Variants in THSD4 observed in about 807,000 individuals in gnomAD.
The protein encoded by THSD4 is thrombospondin type-1 domain-containing protein 4.
THSD4 carries 69 observed loss-of-function variants against 119.0 expected under a neutral mutation model. That is an observed-to-expected ratio of 0.58 (90% confidence interval 0.48 to 0.71). The LOEUF (loss-of-function observed/expected upper bound fraction) is 0.71, where lower values mean the gene tolerates loss of function less well. THSD4 is among the 30% of genes least tolerant of loss of function. The pLI is 0.00. For missense variants in THSD4, 1,393 were observed against 1,391.1 expected (o/e 1.00, Z -0.02); for synonymous variants, 524 against 540.4 (o/e 0.97, Z 0.42).
At chr15:71,612,045 G>A (rs893273791) in intron 7 of THSD4, among the ~76,000 whole-genome samples, 2 of 152,194 alleles carry the variant, frequency 1.3e-5, no homozygotes, top group African/African-American at 4.8e-5. Context: ...GCTAAGACTT[G>A]TGGGGTCCCA....
At chr15:71,696,046 C>CT (rs1328500798) in intron 8 of THSD4, among the ~76,000 whole-genome samples, 1 of 152,212 alleles carries the variant, frequency 6.6e-6, no homozygotes, top group Non-Finnish European at 1.5e-5. Context: ...TAAATGTTAG[C>CT]TAGTTTTACT....
intron 9 of THSD4, chr15:71,729,900 A>T (rs1240605717): frequency 2.6e-5 from 4 of 152,066 alleles, no homozygotes; most frequent in Admixed American, 2.6e-4. Flanking sequence ...AGGTCACACA[A>T]CCGTGTCCCT....
intron 7 of THSD4, among the ~76,000 whole-genome samples, chr15:71,557,193 A>C (rs2049032920): frequency 6.6e-6 from 1 of 152,168 alleles, no homozygotes; most frequent in South Asian, 2.1e-4. Flanking sequence ...AATCATGAAC[A>C]TGTGTTGAAT....
chr15:71,693,521 C>T (rs544955020), intron 8 of THSD4, among the ~76,000 whole-genome samples: 107 of 152,256 alleles, frequency 7.0e-4, no homozygotes, highest in South Asian at 1.5e-3. Context: ...GTAGTGCACA[C>T]CGGTAGTCCC....
chr15:71,312,980 G>C (rs943698948), intron 6 of THSD4, among the ~76,000 whole-genome samples: 1 of 152,172 alleles, frequency 6.6e-6, no homozygotes, highest in Non-Finnish European at 1.5e-5. Flanking sequence ...GACTTCCTCT[G>C]TCTTGTTCAC....
intron 6 of THSD4, among the ~76,000 whole-genome samples, chr15:71,290,867 C>CT (rs1450081138): frequency 9.6e-6 from 1 of 104,652 alleles, no homozygotes; most frequent in Non-Finnish European, 2.0e-5. Context: ...ACCTGGTTTC[C>CT]TTTTTTCCTT....
chr15:71,541,006 A>T (rs1236867517), intron 7 of THSD4, among the ~76,000 whole-genome samples: 1 of 152,220 alleles, frequency 6.6e-6, no homozygotes, highest in Non-Finnish European at 1.5e-5. Flanking sequence ...TACCAGCGTG[A>T]GCCACTGCGC....
intron 6 of THSD4, among the ~76,000 whole-genome samples, chr15:71,362,244 A>AC (rs2045901888): frequency 6.6e-6 from 1 of 152,240 alleles, no homozygotes; most frequent in Admixed American, 6.5e-5. Flanking sequence ...GTGCTACTGC[A>AC]CTCCAGCCTG....
At chr15:71,190,216 A>G (rs1029557730) in intron 3 of THSD4, among the ~76,000 whole-genome samples, 4 of 152,160 alleles carry the variant, frequency 2.6e-5, no homozygotes, top group Non-Finnish European at 5.9e-5. Context: ...CAAACCTTTT[A>G]TTGTTTGCTA....
intron 7 of THSD4, among the ~76,000 whole-genome samples, chr15:71,581,701 A>G (rs35875294): frequency 0.17 from 25,932 of 152,108 alleles, 2,553 homozygotes; most frequent in Non-Finnish European, 0.22. Context: ...ATTTTTGTGT[A>G]GAGATAAGGG....
At chr15:71,468,366 G>T (rs572166204) in intron 7 of THSD4, among the ~76,000 whole-genome samples, 46 of 152,256 alleles carry the variant, frequency 3.0e-4, no homozygotes, top group African/African-American at 1.1e-3. Flanking sequence ...TACAGGTCTG[G>T]AGACCTTCCT....
intron 5 of THSD4, among the ~76,000 whole-genome samples, chr15:71,249,212 TACATA>T (rs933162519): frequency 3.3e-5 from 5 of 152,092 alleles, no homozygotes; most frequent in Non-Finnish European, 7.4e-5. Context: ...TATATATGTA[TACATA>T]ACATGTGTGT....
At chr15:71,647,539 G>C (rs1272736538) in intron 7 of THSD4, among the ~76,000 whole-genome samples, 2 of 152,176 alleles carry the variant, frequency 1.3e-5, no homozygotes, top group African/African-American at 4.8e-5. Flanking sequence ...AGAATAATAA[G>C]GAATTATCTT....
chr15:71,367,085 G>C (rs980967), intron 6 of THSD4, among the ~76,000 whole-genome samples: 1 of 152,010 alleles, frequency 6.6e-6, no homozygotes, highest in Non-Finnish European at 1.5e-5. Context: ...TTTGTATAGC[G>C]GTCCTTCAAA....
rs558246964 is a variant in THSD4 at position 71,316,966 on chromosome 15, T to C, written c.1015+60251T>C. Among the ~76,000 whole-genome samples the C allele has an allele frequency of 3.1e-4, 47 of 152,340 alleles. 1 individual carries two copies. The South Asian group carries it at 9.3e-3, about 30-fold the overall frequency. Reference sequence around the variant, plus strand: ...AGCCATGGGAACTGCCTTTCAAGGTTGCTTAGAAAGTGGTTGGCAGAGCCT... The same window carrying C: ...AGCCATGGGAACTGCCTTTCAAGGTCGCTTAGAAAGTGGTTGGCAGAGCCT... On this transcript the variant is annotated intron_variant, in intron 6 of 17. Coordinates refer to ENST00000261862, the MANE Select transcript of THSD4 (RefSeq NM_024817.3).
At chr15:71,724,077 A>C (rs1334037155) in intron 8 of THSD4, among the ~76,000 whole-genome samples, 1 of 149,652 alleles carries the variant, frequency 6.7e-6, no homozygotes, top group East Asian at 2.0e-4. Context: ...TTAAAAAAAA[A>C]AAAAAAAAAA....
At chr15:71,748,648 A>C (rs895635296) in intron 14 of THSD4, 54 bp downstream of exon 14, 1 of 1,589,122 alleles carries the variant, frequency 6.3e-7, no homozygotes, top group Non-Finnish European at 8.6e-7. Flanking sequence ...AGGTGCCTCC[A>C]AAACCACACA....
At chr15:71,651,633 A>C (rs1473000736) in intron 7 of THSD4, among the ~76,000 whole-genome samples, 1 of 144,938 alleles carries the variant, frequency 6.9e-6, no homozygotes, top group Non-Finnish European at 1.5e-5. Flanking sequence ...ACAAGATTTG[A>C]ATATTTCACC....
intron 8 of THSD4, 31 bp downstream of exon 8, chr15:71,660,765 T>C: frequency 6.2e-7 from 1 of 1,606,042 alleles, no homozygotes; most frequent in Admixed American, 1.7e-5. Context: ...GAGAAAACCG[T>C]CTGTCCCTGC....
Sources: gnomAD v4.1 joint callset for allele counts (sites outside exome capture counted in the v4.1 genomes callset) on GRCh38, gnomAD v4.1.1 for gene constraint, MANE v1.5 for transcripts, NCBI Gene and HGNC (gene_info 2026-07-23, HGNC 2026-07-21) for gene names.